NUDT5: variants seen among roughly 807,000 people sequenced by gnomAD.
The protein encoded by NUDT5 is ADP-sugar pyrophosphatase.
NUDT5 carries 21 observed loss-of-function variants against 34.1 expected under a neutral mutation model. The ratio of observed to expected loss-of-function variants is 0.62; its 90% CI spans 0.44 to 0.89. The LOEUF (loss-of-function observed/expected upper bound fraction) is 0.89, where lower values mean the gene tolerates loss of function less well. NUDT5 is among the 40% of genes least tolerant of loss of function. The pLI is 0.00. For synonymous variants in NUDT5, 85 were observed against 97.6 expected (o/e 0.87, Z 0.76); for missense variants, 249 against 274.8 (o/e 0.91, Z 0.66).
rs576081551 is a variant in NUDT5, at chr10:12,166,861, C to T, written c.*841G>A. Reference sequence around the variant, plus strand: ...GGCATGGGAACCAGATCAATCTGTACTTCTTGCTGTGAACTACTCTGTATT... The same window carrying T: ...GGCATGGGAACCAGATCAATCTGTATTTCTTGCTGTGAACTACTCTGTATT... On this transcript the variant is annotated 3_prime_UTR_variant, in exon 10 of 10. Coordinates refer to ENST00000491614, the MANE Select transcript of NUDT5 (RefSeq NM_014142.4). The T allele has an allele frequency of 2.4e-6, 1 of 417,980 alleles. No individual in the cohort carries two copies. The highest frequency in any genetic ancestry group is 7.3e-5 in the East Asian group (1 of 13,768). 25.9% of individuals were successfully genotyped at this position (417,980 alleles called of 1,614,324 possible).
In NUDT5 at chr10:12,184,882, A is replaced by G. The variant is rs1369534995; in HGVS notation, c.131+7T>C. On this transcript the variant is annotated splice_region_variant and intron_variant, in intron 3 of 9. Transcript: ENST00000491614. ...CGAACATTTTGTAAGAAAAAAAAAA[A>G]GTTTACCTAGTTTTACCAGTAGGAT... The G allele has an allele frequency of 2.0e-6, 3 of 1,532,426 alleles. No individual in the cohort carries two copies. Among genetic ancestry groups the G allele is most frequent in the South Asian group, 1.2e-5 (1 of 83,066 alleles). 94.9% of individuals were successfully genotyped at this position (1,532,426 alleles called of 1,614,324 possible). A position where few individuals can be genotyped will look rare whatever the true frequency, so the allele number is the denominator to read the frequency against.
intron 9 of NUDT5, 97 bp from the exon 10 acceptor site, chr10:12,167,908 CACTTCCT>C: frequency 1.9e-6 from 3 of 1,546,406 alleles, no homozygotes; most frequent in Non-Finnish European, 2.6e-6. Context: ...TACTATATGT[CACTTCCT>C]ATGCTAGATG....
At chr10:12,184,419 A>C (rs1332710668) in intron 3 of NUDT5, 1 of 1,330,910 alleles carries the variant, frequency 7.5e-7, no homozygotes, top group Non-Finnish European at 1.0e-6. Flanking sequence ...CTTTAGGGCT[A>C]CTGACACATA....
chr10:12,177,436 T>C (rs999494387), intron 5 of NUDT5, among the ~76,000 whole-genome samples: 7 of 151,872 alleles, frequency 4.6e-5, no homozygotes, highest in Non-Finnish European at 7.4e-5. Context: ...GGAGAATTGC[T>C]TGAACCCAGG....
rs185370170 is a variant in NUDT5 at position 12,166,689 on chromosome 10, A to T, written c.*1013T>A. On this transcript the variant is annotated 3_prime_UTR_variant, in exon 10 of 10. Coordinates refer to ENST00000491614, the MANE Select transcript of NUDT5 (RefSeq NM_014142.4). ...GGGCTGGATGAGAATCATCCTGAGA[A>T]TTCCGTGGGGGCCAGACTGGAAAGT... The T allele has an allele frequency of 5.4e-5, 27 of 502,142 alleles. No homozygotes were observed. The East Asian group carries it at 1.6e-3, about 30-fold the overall frequency. The allele number at this position is 502,142 out of a possible 1,614,324, so 31.1% of individuals were successfully genotyped here.
In NUDT5 at chr10:12,182,441, T is replaced by C. The variant is rs551652679; in HGVS notation, c.131+2448A>G. On this transcript the variant is annotated intron_variant, in intron 3 of 9. Coordinates refer to ENST00000491614, the MANE Select transcript of NUDT5 (RefSeq NM_014142.4). This position sits in a 1 kb window ranked among gnomAD's most constrained non-coding sequence, Gnocchi z 4.3. ...CATACAGGAAAGTACAAAGACTCAT[T>C]CTTCAAAGGGTGACATTCTGGTATA... Among the ~76,000 whole-genome samples, 20 of 152,320 alleles carry C rather than the reference T, an allele frequency of 1.3e-4. No homozygotes were observed. The highest frequency in any genetic ancestry group is 4.1e-4 in the South Asian group (2 of 4,828).
chr10:12,186,227 ACCT>A lies in NUDT5; in HGVS notation c.62_63+1del, dbSNP rs1835125430. On this transcript the variant is annotated splice_donor_variant and coding_sequence_variant, in exon 2 of 10. Transcript: ENST00000491614. LOFTEE classifies it high-confidence loss of function. Reference sequence around the variant, plus strand: ...GAAGGGAAAGTGAAAAACAAGTTATACCTCCTCTGAAATGATATACTGTTTGCC... The same window carrying A: ...GAAGGGAAAGTGAAAAACAAGTTATACCTCTGAAATGATATACTGTTTGCC... 10 of 1,609,650 alleles carry A rather than the reference ACCT, an allele frequency of 6.2e-6. No individual in the cohort carries two copies. The South Asian group carries it at 6.6e-5, about 11-fold the overall frequency.
At chr10:12,174,806 C>G (rs1324697757) in intron 5 of NUDT5, among the ~76,000 whole-genome samples, 2 of 152,148 alleles carry the variant, frequency 1.3e-5, no homozygotes, top group Non-Finnish European at 2.9e-5. Context: ...GCACAGGAAG[C>G]CTGCTCATAT....
Position 12,168,158 on chromosome 10 carries a change from G to A in NUDT5, c.551-347C>T, listed in dbSNP as rs1240584013. On this transcript the variant is annotated intron_variant, in intron 9 of 9. Coordinates refer to ENST00000491614, the MANE Select transcript of NUDT5 (RefSeq NM_014142.4). This position sits in a 1 kb window ranked among gnomAD's most constrained non-coding sequence, Gnocchi z 4.8. ...TCCTGCCTCAGCCTCCCCAGTAGCT[G>A]GGACTATAGGCGCACGCCACCACGC... Among the ~76,000 whole-genome samples the A allele has an allele frequency of 6.6e-6, 1 of 151,990 alleles. No homozygotes were observed. Among genetic ancestry groups the A allele is most frequent in the Non-Finnish European group, 1.5e-5 (1 of 68,012 alleles).
chr10:12,184,566 A>C, intron 3 of NUDT5: 1 of 1,498,240 alleles, frequency 6.7e-7, no homozygotes, highest in Non-Finnish European at 9.1e-7. Flanking sequence ...TTTTACTAGA[A>C]GGAAGCAACA....
chr10:12,179,003 C>T (rs1371545530), intron 4 of NUDT5, 80 bp downstream of exon 4: 2 of 1,164,748 alleles, frequency 1.7e-6, no homozygotes, highest in Non-Finnish European at 2.6e-6. Flanking sequence ...TAGAAGTTAA[C>T]TTGGTTCCAT....
intron 5 of NUDT5, among the ~76,000 whole-genome samples, chr10:12,174,265 C>CTT (rs199714426): frequency 1.7e-4 from 23 of 135,704 alleles, no homozygotes; most frequent in South Asian, 4.8e-4. Flanking sequence ...GATTGGAACT[C>CTT]TTTTTTTTTT....
chr10:12,172,876 G>T lies in NUDT5; in HGVS notation c.386-10C>A, dbSNP rs1834883021. The T allele has an allele frequency of 1.9e-6, 3 of 1,593,404 alleles. No individual in the cohort carries two copies. In the Admixed American group the frequency reaches 5.0e-5, roughly 27 times the overall value. On this transcript the variant is annotated splice_polypyrimidine_tract_variant and intron_variant, in intron 6 of 9. Transcript: ENST00000491614. ...GGGTCCATACAGACCGCTGTGGAGA[G>T]AAGGGACAGTCAGATGCGTCAGTCC...
At position 12,169,462 on chromosome 10, in the gene NUDT5, T is replaced by G. The variant is rs1005443456; in HGVS notation, c.550+1255A>C. 1.6e-6 allele frequency: 1 copy of G among 624,150 alleles called. No individual in the cohort carries two copies. Among genetic ancestry groups the G allele is most frequent in the Non-Finnish European group, 2.7e-6 (1 of 366,598 alleles). 38.7% of individuals were successfully genotyped at this position (624,150 alleles called of 1,614,324 possible). A position where few individuals can be genotyped will look rare whatever the true frequency, so the allele number is the denominator to read the frequency against. On this transcript the variant is annotated intron_variant, in intron 9 of 9. Transcript: ENST00000491614. This position sits in a 1 kb window ranked among gnomAD's most constrained non-coding sequence, Gnocchi z 4.8. The stretch of plus-strand genomic sequence containing the variant: ...AGGCTACAGAACCTGTTTGATGTGA[T>G]AGCTAATTATGGTCCGCGGAGCCTC...
rs1424264997 is a variant in NUDT5 at position 12,181,443 on chromosome 10, C to T, written c.132-2311G>A. Among the ~76,000 whole-genome samples the T allele has an allele frequency of 3.9e-5, 6 of 152,146 alleles. No homozygotes were observed. The highest frequency in any genetic ancestry group is 8.8e-5 in the Non-Finnish European group (6 of 68,028). On this transcript the variant is annotated intron_variant, in intron 3 of 9. Coordinates refer to ENST00000491614, the MANE Select transcript of NUDT5 (RefSeq NM_014142.4). The surrounding 1 kb of genome is among the most constrained non-coding windows in gnomAD (Gnocchi z 5.0). Reference sequence around the variant, plus strand: ...GGAAGTGTTTCAGAGTTTGGTTTTTCAGATTTTGAAATATTTGCCTTACCC... The same window carrying T: ...GGAAGTGTTTCAGAGTTTGGTTTTTTAGATTTTGAAATATTTGCCTTACCC...
chr10:12,170,161 A>G lies in NUDT5; in HGVS notation c.550+556T>C. 1 of 1,612,662 alleles carries G rather than the reference A, an allele frequency of 6.2e-7. No individual in the cohort carries two copies. The highest frequency in any genetic ancestry group is 8.5e-7 in the Non-Finnish European group (1 of 1,179,710). Reference sequence around the variant, plus strand: ...AGCTTACTGTTTACAAAGTCTCTAAAAGATGGGTGGCCAAGAATTATACAA... The same window carrying G: ...AGCTTACTGTTTACAAAGTCTCTAAGAGATGGGTGGCCAAGAATTATACAA... On this transcript the variant is annotated intron_variant, in intron 9 of 9. Coordinates refer to ENST00000491614, the MANE Select transcript of NUDT5 (RefSeq NM_014142.4). The surrounding 1 kb of genome is among the most constrained non-coding windows in gnomAD (Gnocchi z 4.9).
chr10:12,179,434 A>G lies in NUDT5; in HGVS notation c.132-302T>C, dbSNP rs1835010471. On this transcript the variant is annotated intron_variant, in intron 3 of 9. Coordinates refer to ENST00000491614, the MANE Select transcript of NUDT5 (RefSeq NM_014142.4). ...CTCAGAAAACTTTAGTTTGGATCCTATGTCTCTGGGCAAGGAGCACAGCCA... is the reference window on the plus strand; with the variant it reads ...CTCAGAAAACTTTAGTTTGGATCCTGTGTCTCTGGGCAAGGAGCACAGCCA... Among the ~76,000 whole-genome samples the G allele has an allele frequency of 3.3e-5, 5 of 152,200 alleles. No individual in the cohort carries two copies. The South Asian group carries it at 1.0e-3, about 32-fold the overall frequency.
chr10:12,193,655 G>C (rs1352800491), intron 1 of NUDT5, among the ~76,000 whole-genome samples: 1 of 152,112 alleles, frequency 6.6e-6, no homozygotes, highest in African/African-American at 2.4e-5. Flanking sequence ...CAATTTATTT[G>C]ATGCTGGTTA....
In NUDT5 at chr10:12,166,635, C is replaced by T. The variant is rs549086488; in HGVS notation, c.*1067G>A. The T allele has an allele frequency of 6.8e-6, 3 of 443,782 alleles. No individual in the cohort carries two copies. The highest frequency in any genetic ancestry group is 1.7e-5 in the South Asian group (1 of 60,316). The allele number at this position is 443,782 out of a possible 1,614,324, so 27.5% of individuals were successfully genotyped here. ...TATGGTTCTCAGGGCCTGGCTTACC[C>T]GCTGGAGCCAGGCTAGAAACATGAC... On this transcript the variant is annotated 3_prime_UTR_variant, in exon 10 of 10. Transcript: ENST00000491614.
Sources: allele counts gnomAD v4.1 joint callset (sites outside exome capture counted in the v4.1 genomes callset), GRCh38; gene constraint gnomAD v4.1.1; non-coding constraint Gnocchi (gnomAD v3.1); transcripts MANE v1.5; gene names NCBI Gene and HGNC (gene_info 2026-07-23, HGNC 2026-07-21).